The following ACOXL variants were observed in gnomAD, a reference collection of about 807,000 sequenced individuals.
ACOXL encodes acyl-coenzyme A oxidase-like protein.
Under a neutral mutation model 71.9 loss-of-function variants are expected in ACOXL, and 70 were observed. That is an observed-to-expected ratio of 0.97 (90% CI 0.80 to 1.19). The LOEUF (loss-of-function observed/expected upper bound fraction) is 1.19, where lower values mean the gene tolerates loss of function less well. ACOXL is among the 50% of genes most tolerant of loss of function. The pLI is 0.00. For synonymous variants in ACOXL, 253 were observed against 281.6 expected (o/e 0.90, Z 1.02); for missense variants, 703 against 736.3 (o/e 0.95, Z 0.52).
At chr2:110,744,858 C>G (rs1398265411) in intron 1 of ACOXL, among the ~76,000 whole-genome samples, 1 of 152,114 alleles carries the variant, frequency 6.6e-6, no homozygotes, top group Admixed American at 6.5e-5. Flanking sequence ...ATGAAGCTAG[C>G]CCTGGTGCAG....
intron 15 of ACOXL, among the ~76,000 whole-genome samples, chr2:111,047,021 G>C (rs1335128174): frequency 6.6e-6 from 1 of 152,204 alleles, no homozygotes; most frequent in Non-Finnish European, 1.5e-5. Context: ...ACTACTGTGG[G>C]AAAGTGGTGC....
Position 110,778,359 on chromosome 2 carries a change from C to T in ACOXL, c.76-6373C>T, listed in dbSNP as rs1682914258. Among the ~76,000 whole-genome samples, 3 of 152,324 alleles carry T rather than the reference C, an allele frequency of 2.0e-5. No individual in the cohort carries two copies. In the South Asian group the frequency reaches 6.2e-4, roughly 32 times the overall value. On this transcript the variant is annotated intron_variant, in intron 2 of 17. Transcript: ENST00000439055. The stretch of plus-strand genomic sequence containing the variant: ...TTAAAAATGCAGACAGGTAAAGACA[C>T]ATACACAATTGCAAAATTCTATTGT...
At chr2:110,838,963 C>T (rs1690802291) in intron 9 of ACOXL, among the ~76,000 whole-genome samples, 1 of 152,186 alleles carries the variant, frequency 6.6e-6, no homozygotes, top group Non-Finnish European at 1.5e-5. Context: ...TTCCTTGATT[C>T]ACACCTTCTT....
At chr2:110,862,286 T>C (rs940830717) in intron 10 of ACOXL, among the ~76,000 whole-genome samples, 1 of 152,140 alleles carries the variant, frequency 6.6e-6, no homozygotes, top group African/African-American at 2.4e-5. Flanking sequence ...GGATTTCACC[T>C]GATTTCTGGA....
chr2:110,916,188 G>A (rs1203680975), intron 11 of ACOXL, among the ~76,000 whole-genome samples: 2 of 151,390 alleles, frequency 1.3e-5, no homozygotes, highest in Non-Finnish European at 2.9e-5. Context: ...TGTAAGATCT[G>A]TGACAATGTC....
chr2:110,954,651 G>A (rs1388450386), intron 12 of ACOXL, among the ~76,000 whole-genome samples: 1 of 152,156 alleles, frequency 6.6e-6, no homozygotes, highest in Non-Finnish European at 1.5e-5. Flanking sequence ...CACTGCTCCA[G>A]TACTGTGTTT....
intron 9 of ACOXL, among the ~76,000 whole-genome samples, chr2:110,820,927 T>C (rs1688521948): frequency 6.6e-6 from 1 of 152,048 alleles, no homozygotes; most frequent in Non-Finnish European, 1.5e-5. Flanking sequence ...ATTGGGAATA[T>C]GTCCTCCCTC....
Position 110,972,649 on chromosome 2 carries a change from G to GCA in ACOXL, c.1060-14432_1060-14431dup, listed in dbSNP as rs56400982. ...CACGCACATGCACACACACACACGT[G>GCA]CACACACACACACACACACACACAC... On this transcript the variant is annotated intron_variant, in intron 12 of 17. Coordinates refer to ENST00000439055, the MANE Select transcript of ACOXL (RefSeq NM_001142807.4). Among the ~76,000 whole-genome samples, 1,029 of 150,026 alleles carry GCA rather than the reference G, an allele frequency of 6.9e-3. 7 individuals are homozygous for GCA. The highest frequency in any genetic ancestry group is 0.01 in the Non-Finnish European group (680 of 67,382).
At chr2:111,087,503 TACAA>T (rs2068274753) in intron 16 of ACOXL, among the ~76,000 whole-genome samples, 2 of 152,114 alleles carry the variant, frequency 1.3e-5, no homozygotes, top group African/African-American at 4.8e-5. Context: ...GCTGCACACC[TACAA>T]TGCAGCACAC....
intron 10 of ACOXL, among the ~76,000 whole-genome samples, chr2:110,874,463 G>A (rs927356488): frequency 6.6e-6 from 1 of 152,172 alleles, no homozygotes; most frequent in Non-Finnish European, 1.5e-5. Flanking sequence ...CCTGGGAAGC[G>A]GAATGAGCAG....
chr2:110,798,262 T>C (rs1685509933), intron 5 of ACOXL, among the ~76,000 whole-genome samples: 1 of 151,246 alleles, frequency 6.6e-6, no homozygotes, highest in South Asian at 2.1e-4. Context: ...TCATTGCTTT[T>C]TTTTTTTTTT....
chr2:110,901,761 C>A (rs2059243661), intron 10 of ACOXL, among the ~76,000 whole-genome samples: 1 of 152,076 alleles, frequency 6.6e-6, no homozygotes, highest in African/African-American at 2.4e-5. Context: ...TGTGGTGGCT[C>A]ACACCTGTAA....
intron 14 of ACOXL, among the ~76,000 whole-genome samples, chr2:111,010,163 G>A (rs1180525845): frequency 1.3e-5 from 2 of 152,056 alleles, no homozygotes; most frequent in African/African-American, 4.8e-5. Context: ...ATTGAAATTA[G>A]CAGACAAGGG....
At chr2:110,998,076 A>T (rs1574433660) in intron 14 of ACOXL, among the ~76,000 whole-genome samples, 2 of 149,864 alleles carry the variant, frequency 1.3e-5, no homozygotes, top group African/African-American at 4.9e-5. Context: ...AGCTAAAAAT[A>T]TTTTTTTTTT....
intron 16 of ACOXL, among the ~76,000 whole-genome samples, chr2:111,066,177 A>G (rs2067063669): frequency 6.6e-6 from 1 of 152,256 alleles, no homozygotes; most frequent in African/African-American, 2.4e-5. Flanking sequence ...GTATGTGCAT[A>G]CCATGAAATA....
intron 14 of ACOXL, among the ~76,000 whole-genome samples, chr2:110,996,489 A>G (rs1421224876): frequency 6.6e-6 from 1 of 152,184 alleles, no homozygotes; most frequent in African/African-American, 2.4e-5. Context: ...ATTTCCACCA[A>G]GTACAGTGCC....
chr2:110,882,775 T>G (rs1377284324), intron 10 of ACOXL, among the ~76,000 whole-genome samples: 2 of 152,174 alleles, frequency 1.3e-5, no homozygotes, highest in Non-Finnish European at 2.9e-5. Context: ...TTTGATGACC[T>G]TTTCAGGCCT....
intron 10 of ACOXL, chr2:110,887,074 A>T: frequency 2.1e-6 from 1 of 472,854 alleles, no homozygotes; most frequent in Non-Finnish European, 3.7e-6. Context: ...CTCTCCAGGC[A>T]GATGGCCTGT....
At chr2:111,091,052 C>T (rs1490776579) in intron 16 of ACOXL, among the ~76,000 whole-genome samples, 1 of 152,162 alleles carries the variant, frequency 6.6e-6, no homozygotes, top group Non-Finnish European at 1.5e-5. Context: ...GATCCCCCTG[C>T]TCCCTGCTTG....
Sources: gnomAD v4.1 joint callset for allele counts (sites outside exome capture counted in the v4.1 genomes callset) on GRCh38, gnomAD v4.1.1 for gene constraint, MANE v1.5 for transcripts, NCBI Gene and HGNC (gene_info 2026-07-23, HGNC 2026-07-21) for gene names.